The following NLRP11 variants were observed in gnomAD, a reference collection of about 807,000 sequenced individuals.
The protein encoded by NLRP11 is NACHT, LRR and PYD domains-containing protein 11.
In NLRP11, 53 loss-of-function variants were observed where a neutral mutation model predicts 79.3. The observed-to-expected ratio is 0.67, with a 90% CI of 0.54 to 0.84. The LOEUF (loss-of-function observed/expected upper bound fraction) is 0.84, where lower values mean the gene tolerates loss of function less well. NLRP11 is among the 40% of genes least tolerant of loss of function. The pLI is 0.00. For synonymous variants in NLRP11, 518 were observed against 462.6 expected (o/e 1.12, Z -1.54); for missense variants, 1,264 against 1,255.0 (o/e 1.01, Z -0.11).
At chr19:55,823,152 C>G (rs1437226227) in intron 1 of NLRP11, among the ~76,000 whole-genome samples, 4 of 146,732 alleles carry the variant, frequency 2.7e-5, no homozygotes, top group South Asian at 2.2e-4. Context: ...AGCAGGAGCA[C>G]ACTGACACCT....
intron 9 of NLRP11, 128 bp from the exon 10 acceptor site, chr19:55,785,999 G>A: frequency 1.0e-6 from 1 of 970,950 alleles, no homozygotes; most frequent in Non-Finnish European, 1.5e-6. Context: ...CATCTCTGAG[G>A]AAACAAAAAT....
intron 9 of NLRP11, 56 bp from the exon 10 acceptor site, chr19:55,785,927 G>T: frequency 6.4e-7 from 1 of 1,556,588 alleles, no homozygotes; most frequent in Non-Finnish European, 8.7e-7. Context: ...TCTCAGCTTT[G>T]TTGCATCAAT....
At chr19:55,806,390 C>A (rs956696735) in intron 4 of NLRP11, among the ~76,000 whole-genome samples, 1 of 152,246 alleles carries the variant, frequency 6.6e-6, no homozygotes, top group Non-Finnish European at 1.5e-5. Flanking sequence ...CATTTCCCAA[C>A]TCAGTGGCAA....
chr19:55,824,592 A>G (rs1378815811), intron 1 of NLRP11, among the ~76,000 whole-genome samples: 7 of 119,834 alleles, frequency 5.8e-5, no homozygotes, highest in Non-Finnish European at 1.1e-4. Context: ...ATGGAAAACA[A>G]AAAAAGGAAG....
intron 2 of NLRP11, among the ~76,000 whole-genome samples, chr19:55,810,871 G>A (rs1480236087): frequency 2.6e-5 from 4 of 152,298 alleles, no homozygotes; most frequent in South Asian, 4.1e-4. Flanking sequence ...ATCTGTTTTA[G>A]CTTTGTTCTT....
At position 55,809,112 on chromosome 19, in the gene NLRP11, T is replaced by G; in HGVS notation, c.1498A>C (p.Asn500His). ...TCAAGAATCTTTCTCCTGTTTGCATTTAGAAGACCAAAAATGAAAGTAAAC... is the reference window on the plus strand; with the variant it reads ...TCAAGAATCTTTCTCCTGTTTGCATGTAGAAGACCAAAAATGAAAGTAAAC... The change falls in exon 3 of 10, where the codon AAT becomes CAT. Residue 500 changes from asparagine to histidine, a missense_variant. Physicochemically the swap from Asn to His is moderately conservative, Grantham distance 68. Coordinates refer to ENST00000589093, the Ensembl canonical transcript of NLRP11. This position sits in a 1 kb window ranked among gnomAD's most constrained non-coding sequence, Gnocchi z 4.5. The G allele has an allele frequency of 6.2e-7, 1 of 1,613,946 alleles. No individual in the cohort carries two copies. The highest frequency in any genetic ancestry group is 8.5e-7 in the Non-Finnish European group (1 of 1,179,990).
chr19:55,790,042 T>C (rs1990142799), intron 7 of NLRP11, among the ~76,000 whole-genome samples: 1 of 152,172 alleles, frequency 6.6e-6, no homozygotes, highest in African/African-American at 2.4e-5. Flanking sequence ...GCACCGACTA[T>C]TCATTCTGCT....
At chr19:55,793,904 CA>C (rs1978544424) in intron 6 of NLRP11, among the ~76,000 whole-genome samples, 1 of 152,090 alleles carries the variant, frequency 6.6e-6, no homozygotes, top group Non-Finnish European at 1.5e-5. Context: ...TCGTAGAAAC[CA>C]GCACTATCAA....
At chr19:55,822,987 T>C (rs559300473) in intron 1 of NLRP11, among the ~76,000 whole-genome samples, 3 of 151,658 alleles carry the variant, frequency 2.0e-5, no homozygotes, top group Non-Finnish European at 2.9e-5. Context: ...AAGACAGCAG[T>C]AACCTCTGCA....
chr19:55,808,903 T>G (rs1259419569), exon 3 of NLRP11: 1 of 1,614,118 alleles, frequency 6.2e-7, no homozygotes, highest in African/African-American at 1.3e-5. Context: ...GAAGGTAAAC[T>G]GTAACCTCCA....
At chr19:55,830,103 T>G (rs1241096535) in intron 1 of NLRP11, among the ~76,000 whole-genome samples, 1 of 152,212 alleles carries the variant, frequency 6.6e-6, no homozygotes, top group Non-Finnish European at 1.5e-5. Flanking sequence ...ACCTGTATTG[T>G]TCAAGGGTCC....
chr19:55,786,569 G>A (rs548918877), intron 9 of NLRP11, among the ~76,000 whole-genome samples: 2 of 152,176 alleles, frequency 1.3e-5, no homozygotes, highest in African/African-American at 2.4e-5. Context: ...CACTTACACC[G>A]CAGCCCATGC....
At chr19:55,823,704 G>A (rs1416553027) in intron 1 of NLRP11, among the ~76,000 whole-genome samples, 61 of 150,386 alleles carry the variant, frequency 4.1e-4, no homozygotes, top group African/African-American at 1.5e-3. Context: ...GAGAAGGGAA[G>A]TTTAGAGAAA....
chr19:55,793,929 T>C (rs1978547469), intron 6 of NLRP11, among the ~76,000 whole-genome samples: 2 of 152,200 alleles, frequency 1.3e-5, no homozygotes, highest in African/African-American at 4.8e-5. Context: ...ATTTGCATAC[T>C]ATTTTCCAGC....
At chr19:55,816,762 C>T (rs771704655) in intron 2 of NLRP11, among the ~76,000 whole-genome samples, 2 of 152,194 alleles carry the variant, frequency 1.3e-5, no homozygotes, top group African/African-American at 2.4e-5. Context: ...GGGAAATCTG[C>T]TCTAGCTCAA....
chr19:55,807,739 C>T lies in NLRP11; in HGVS notation c.2003+114G>A, dbSNP rs1980132795. 14 of 657,506 alleles carry T rather than the reference C, an allele frequency of 2.1e-5. No individual in the cohort carries two copies. The South Asian group carries it at 3.1e-4, about 14-fold the overall frequency. The allele number at this position is 657,506 out of a possible 1,614,324, so 40.7% of individuals were successfully genotyped here. A position where few individuals can be genotyped will look rare whatever the true frequency, so the allele number is the denominator to read the frequency against. The stretch of plus-strand genomic sequence containing the variant: ...TGAGAAGTACAGAAGGAGCCTAGGC[C>T]CTGATGAGCCTGACCTGAAAGTGTG... On this transcript the variant is annotated intron_variant, in intron 4 of 9. Coordinates refer to ENST00000589093, the Ensembl canonical transcript of NLRP11.
rs1980784242 is a variant in NLRP11, at chr19:55,813,305, G to GA, written c.272-2968dup. On this transcript the variant is annotated intron_variant, in intron 2 of 9. Transcript: ENST00000589093. ...ATTGCACCACTGCACTCCAGCCTGG[G>GA]AAAAAAAATTTTTTAAAGCAGAGGA... Among the ~76,000 whole-genome samples, 4 of 152,038 alleles carry GA rather than the reference G, an allele frequency of 2.6e-5. No homozygotes were observed. The South Asian group carries it at 8.3e-4, about 32-fold the overall frequency.
In NLRP11 at chr19:55,818,049, A is replaced by T. The variant is rs1176370342; in HGVS notation, c.126T>A (p.Phe42Leu). The T allele has an allele frequency of 7.4e-6, 12 of 1,614,074 alleles. No individual in the cohort carries two copies. In the South Asian group the frequency reaches 1.3e-4, roughly 18 times the overall value. The change falls in exon 2 of 10, where the codon TTT becomes TTA. Residue 42 changes from phenylalanine to leucine, a missense_variant. Physicochemically the swap from Phe to Leu is conservative, Grantham distance 22 (BLOSUM62 0). Coordinates refer to ENST00000589093, the Ensembl canonical transcript of NLRP11. ...CTTCTTTTGTCATCTGTATCAGTGG[A>T]AACTGTGGCAGTTTGAAATCAAGAA... is the stretch of plus-strand genomic sequence containing the variant.
chr19:55,823,638 C>T (rs1235261165), intron 1 of NLRP11, among the ~76,000 whole-genome samples: 4 of 147,366 alleles, frequency 2.7e-5, no homozygotes, highest in East Asian at 2.1e-4. Context: ...GGAGCCGATA[C>T]GATCAACTGG....
Sources: gnomAD v4.1 joint callset for allele counts (sites outside exome capture counted in the v4.1 genomes callset) on GRCh38, gnomAD v4.1.1 for gene constraint, Gnocchi (gnomAD v3.1) non-coding constraint, MANE v1.5 for transcripts, NCBI Gene and HGNC (gene_info 2026-07-23, HGNC 2026-07-21) for gene names.